NPSR1: variants seen among roughly 807,000 people sequenced by gnomAD.
NPSR1 encodes neuropeptide S receptor 1.
In NPSR1, 48 loss-of-function variants were observed where a neutral mutation model predicts 46.9. The ratio of observed to expected loss-of-function variants is 1.02; its 90% CI spans 0.81 to 1.30. The LOEUF (loss-of-function observed/expected upper bound fraction) is 1.30, where lower values mean the gene tolerates loss of function less well. NPSR1 is among the 50% of genes most tolerant of loss of function. NPSR1 has a pLI of 0.00. For synonymous variants in NPSR1, 176 were observed against 168.1 expected, an observed-to-expected ratio of 1.05 and a Z score of -0.36; for missense variants, 450 against 449.5, an observed-to-expected ratio of 1.00 and a Z score of -0.01.
chr7:34,729,606 T>A (rs541693040), intron 2 of NPSR1, among the ~76,000 whole-genome samples: 2 of 152,168 alleles, frequency 1.3e-5, no homozygotes, highest in Non-Finnish European at 2.9e-5. Context: ...TGAAAAATCA[T>A]TGGGCCTAAT....
chr7:34,788,650 A>G (rs1787579770), intron 3 of NPSR1, among the ~76,000 whole-genome samples: 1 of 152,098 alleles, frequency 6.6e-6, no homozygotes, highest in Non-Finnish European at 1.5e-5. Context: ...ACACTGGATC[A>G]CCTAAATATA....
At chr7:34,817,606 C>T (rs982522577) in intron 4 of NPSR1, among the ~76,000 whole-genome samples, 2 of 129,098 alleles carry the variant, frequency 1.5e-5, no homozygotes, top group Non-Finnish European at 3.2e-5. Context: ...CTGGCAGAGA[C>T]AAAACAAAAA....
chr7:34,832,230 A>G (rs980991151), intron 5 of NPSR1, among the ~76,000 whole-genome samples: 1 of 152,200 alleles, frequency 6.6e-6, no homozygotes, highest in Admixed American at 6.5e-5. Context: ...TGATCAGATA[A>G]AGGAAAAAGG....
chr7:34,840,117 C>T (rs181482646), intron 6 of NPSR1, among the ~76,000 whole-genome samples: 3 of 152,212 alleles, frequency 2.0e-5, no homozygotes, highest in Admixed American at 6.5e-5. Flanking sequence ...CTACAATTTA[C>T]AGTTGGCTCT....
At chr7:34,746,466 A>T (rs928091589) in intron 2 of NPSR1, among the ~76,000 whole-genome samples, 1 of 152,196 alleles carries the variant, frequency 6.6e-6, no homozygotes, top group Non-Finnish European at 1.5e-5. Context: ...TTATGTATGT[A>T]TGTATAAAAG....
intron 2 of NPSR1, among the ~76,000 whole-genome samples, chr7:34,696,232 T>G (rs1793522485): frequency 6.6e-6 from 1 of 152,036 alleles, no homozygotes; most frequent in African/African-American, 2.4e-5. Context: ...AAATAACATA[T>G]GTTCTCCTTC....
rs774288316 is a variant in NPSR1, at chr7:34,683,167, G to T, written c.148-1385G>T. Among the ~76,000 whole-genome samples, 4 of 152,162 alleles carry T rather than the reference G, an allele frequency of 2.6e-5. No individual in the cohort carries two copies. The South Asian group carries it at 8.3e-4, about 31-fold the overall frequency. ...TCATAAAAAATTTCTTAGAAGGCCA[G>T]GTGCGGTGGCTCACACCTATAATCC... On this transcript the variant is annotated intron_variant, in intron 1 of 8. Transcript: ENST00000360581.
chr7:34,852,470 G>T (rs1447650311), downstream of NPSR1, among the ~76,000 whole-genome samples: 1 of 152,154 alleles, frequency 6.6e-6, no homozygotes, highest in African/African-American at 2.4e-5. Flanking sequence ...CTGGAGCAGA[G>T]GATCTTGGTG....
At chr7:34,727,260 A>T (rs971545454) in intron 2 of NPSR1, among the ~76,000 whole-genome samples, 1 of 152,184 alleles carries the variant, frequency 6.6e-6, no homozygotes, top group African/African-American at 2.4e-5. Context: ...AGTGGAGGCT[A>T]TCTTCAAACA....
intron 2 of NPSR1, among the ~76,000 whole-genome samples, chr7:34,727,981 G>A (rs1406721621): frequency 6.6e-6 from 1 of 151,304 alleles, no homozygotes; most frequent in Non-Finnish European, 1.5e-5. Flanking sequence ...AAAAACCTGA[G>A]GCTTTCTTGC....
intron 2 of NPSR1, among the ~76,000 whole-genome samples, chr7:34,740,002 G>T (rs1784865418): frequency 6.6e-6 from 1 of 152,128 alleles, no homozygotes; most frequent in African/African-American, 2.4e-5. Context: ...AGCTAGCAGG[G>T]TGAGTAGGAA....
chr7:34,862,397 C>T (rs1791210682), intron 8 of NPSR1, among the ~76,000 whole-genome samples: 1 of 151,752 alleles, frequency 6.6e-6, no homozygotes, highest in South Asian at 2.1e-4. Flanking sequence ...ATAACTCTAC[C>T]CTTTATTTTT....
At chr7:34,709,645 T>C (rs1198357836) in intron 2 of NPSR1, among the ~76,000 whole-genome samples, 1 of 152,198 alleles carries the variant, frequency 6.6e-6, no homozygotes, top group Non-Finnish European at 1.5e-5. Flanking sequence ...TATTCTACTA[T>C]AACTTACTTA....
At chr7:34,724,574 T>C (rs1038891225) in intron 2 of NPSR1, among the ~76,000 whole-genome samples, 2 of 152,204 alleles carry the variant, frequency 1.3e-5, no homozygotes, top group Non-Finnish European at 1.5e-5. Context: ...TTATTCCTCC[T>C]CATGTGCTTT....
downstream of NPSR1, among the ~76,000 whole-genome samples, chr7:34,852,756 G>A (rs1269072275): frequency 6.6e-6 from 1 of 152,102 alleles, no homozygotes; most frequent in Non-Finnish European, 1.5e-5. Flanking sequence ...GAAGCCAGCA[G>A]GACGATACCT....
chr7:34,762,424 T>C (rs2128729524), intron 2 of NPSR1, among the ~76,000 whole-genome samples: 1 of 152,244 alleles, frequency 6.6e-6, no homozygotes, highest in Non-Finnish European at 1.5e-5. Context: ...TTTGGAGAAA[T>C]AATTTTAATT....
chr7:34,801,998 C>A (rs888561633), intron 3 of NPSR1, among the ~76,000 whole-genome samples: 6 of 149,384 alleles, frequency 4.0e-5, no homozygotes, highest in African/African-American at 7.7e-5. Flanking sequence ...CCTAGGAATC[C>A]AACTTACAAG....
At chr7:34,690,981 G>A (rs1384691880) in intron 2 of NPSR1, among the ~76,000 whole-genome samples, 2 of 152,216 alleles carry the variant, frequency 1.3e-5, no homozygotes, top group South Asian at 2.1e-4. Context: ...CCAGAGAGAA[G>A]TGTCTAATCA....
chr7:34,701,576 A>G (rs1016644089), intron 2 of NPSR1, among the ~76,000 whole-genome samples: 1 of 152,226 alleles, frequency 6.6e-6, no homozygotes, highest in African/African-American at 2.4e-5. Context: ...CTTCTCTCTT[A>G]TTAATCTGCC....
Sources: gnomAD v4.1 joint callset for allele counts (sites outside exome capture counted in the v4.1 genomes callset) on GRCh38, gnomAD v4.1.1 for gene constraint, MANE v1.5 for transcripts, NCBI Gene and HGNC (gene_info 2026-07-23, HGNC 2026-07-21) for gene names.